Variants in ZNF185 observed in about 807,000 individuals in gnomAD.
ZNF185 encodes zinc finger protein 185 with LIM domain, also known as zinc finger protein 185.
ZNF185 carries 56 observed loss-of-function variants against 58.6 expected under a neutral mutation model. The ratio of observed to expected loss-of-function variants is 0.95; its 90% confidence interval spans 0.77 to 1.19. The LOEUF (loss-of-function observed/expected upper bound fraction) is 1.19. ZNF185 is among the 50% of genes most tolerant of loss of function. ZNF185 has a pLI of 0.00. For missense variants in ZNF185, 627 were observed against 573.5 expected (o/e 1.09, Z -0.95); for synonymous variants, 230 against 215.9 (o/e 1.07, Z -0.57).
the ZNF185 span, among the ~76,000 whole-genome samples, chrX:152,900,365 C>A: frequency 8.8e-6 from 1 of 113,102 alleles, no homozygotes; most frequent in South Asian, 3.6e-4. Flanking sequence ...CAGGTGACTG[C>A]CCCCTTTGGT....
chrX:152,972,179 T>G (rs1481074022), exon 23 of ZNF185: 1 of 112,242 alleles, frequency 8.9e-6, no homozygotes. Flanking sequence ...GAAGGTGATA[T>G]TCTCATCCCA....
chrX:152,898,138 C>G, the ZNF185 span, among the ~76,000 whole-genome samples: 1 of 109,289 alleles, frequency 9.2e-6, no homozygotes, highest in East Asian at 2.9e-4. Context: ...CCTGCCTCCC[C>G]GGCCCGGCCC....
chrX:152,920,104 C>T (rs144752565), intron 7 of ZNF185, among the ~76,000 whole-genome samples: 2,390 of 113,308 alleles, frequency 0.021, 67 homozygotes, highest in African/African-American at 0.072. Context: ...TGGCATCTGG[C>T]GCAGAGCCGG....
intron 15 of ZNF185, among the ~76,000 whole-genome samples, chrX:152,940,042 C>G (rs1416229935): frequency 9.0e-6 from 1 of 111,358 alleles, no homozygotes; most frequent in Non-Finnish European, 1.9e-5. Context: ...CTTGGCCTCC[C>G]AAATTGCTGG....
At chrX:152,950,777 C>T (rs1009247961) in intron 16 of ZNF185, among the ~76,000 whole-genome samples, 20 of 111,802 alleles carry the variant, frequency 1.8e-4, no homozygotes, top group Admixed American at 1.7e-3. Context: ...TAAGAGTTGT[C>T]AGGAGTTCTC....
chrX:152,921,412 G>A (rs1476400213), intron 9 of ZNF185, among the ~76,000 whole-genome samples: 1 of 110,277 alleles, frequency 9.1e-6, no homozygotes, highest in African/African-American at 3.3e-5. Flanking sequence ...CCCAGGCAGA[G>A]GGCCCCAGTG....
chrX:152,902,987 G>A, the ZNF185 span, among the ~76,000 whole-genome samples: 1 of 111,652 alleles, frequency 9.0e-6, no homozygotes, highest in East Asian at 2.8e-4. Flanking sequence ...TTAGTCAAGG[G>A]CAAGAAGGAG....
the ZNF185 span, among the ~76,000 whole-genome samples, chrX:152,898,548 A>G: frequency 8.9e-6 from 1 of 112,480 alleles, no homozygotes; most frequent in Admixed American, 9.3e-5. Context: ...GCGAGGGGCC[A>G]GGATGCTCTG....
intron 16 of ZNF185, among the ~76,000 whole-genome samples, chrX:152,948,615 C>T (rs2048007514): frequency 9.0e-6 from 1 of 111,460 alleles, no homozygotes; most frequent in Admixed American, 9.5e-5. Flanking sequence ...CAGAAATTTG[C>T]CTTGTGTGCT....
chrX:152,924,584 A>G (rs1307821395), intron 11 of ZNF185, among the ~76,000 whole-genome samples: 1 of 112,381 alleles, frequency 8.9e-6, no homozygotes, highest in African/African-American at 3.2e-5. Context: ...GGGTGGCACA[A>G]GTCAGCCCAT....
chrX:152,964,407 C>T (rs1230422414), intron 18 of ZNF185, among the ~76,000 whole-genome samples: 3 of 112,565 alleles, frequency 2.7e-5, no homozygotes, highest in African/African-American at 9.7e-5. Context: ...TGGCAAAGGC[C>T]TCGGGAAGCT....
intron 16 of ZNF185, among the ~76,000 whole-genome samples, chrX:152,951,579 T>TAC (rs782561830): frequency 5.5e-4 from 61 of 111,663 alleles, no homozygotes; most frequent in African/African-American, 1.9e-3. Flanking sequence ...TATATATATA[T>TAC]ACACACACAC....
chrX:152,943,508 A>G lies in ZNF185; in HGVS notation c.1212-1759A>G, dbSNP rs185156119. 3.4e-4 allele frequency among the ~76,000 whole-genome samples: 38 copies of G among 112,402 alleles called. No homozygotes were observed. In the East Asian group the frequency reaches 7.0e-3, roughly 21 times the overall value. The stretch of plus-strand genomic sequence containing the variant: ...CCACTTGACTTCCAGGAAGTTCATG[A>G]GGAGCTCGGACAGGATAGCTGGGAA... On this transcript the variant is annotated intron_variant, in intron 15 of 22. Coordinates refer to ENST00000449285, the Ensembl canonical transcript of ZNF185.
the ZNF185 span, among the ~76,000 whole-genome samples, chrX:152,898,800 A>G: frequency 8.9e-6 from 1 of 112,552 alleles, no homozygotes; most frequent in African/African-American, 3.2e-5. Flanking sequence ...GGTGTTATCG[A>G]CAGGATCGGC....
chrX:152,903,388 C>CG, the ZNF185 span, among the ~76,000 whole-genome samples: 1 of 35,857 alleles, frequency 2.8e-5, no homozygotes, highest in East Asian at 1.1e-3. Context: ...AGACTCGTCT[C>CG]AAAAAAAAAA....
intron 20 of ZNF185, 101 bp from the exon 23 acceptor site, chrX:152,969,281 C>G: frequency 1.5e-6 from 1 of 670,131 alleles, no homozygotes; most frequent in Non-Finnish European, 2.3e-6. Context: ...ATCCTGACAG[C>G]AAACCTGGGC....
intron 12 of ZNF185, among the ~76,000 whole-genome samples, chrX:152,930,597 A>G (rs743637): frequency 0.063 from 6,950 of 110,953 alleles, 485 homozygotes; most frequent in African/African-American, 0.2. Context: ...GGCCAGTATA[A>G]AGGAGAGGCA....
intron 16 of ZNF185, among the ~76,000 whole-genome samples, chrX:152,948,674 A>T (rs1556897396): frequency 2.7e-5 from 3 of 111,776 alleles, no homozygotes; most frequent in Non-Finnish European, 3.8e-5. Context: ...AATAAACCAT[A>T]GCCTTGAGTG....
At chrX:152,952,909 GGGA>G (rs1159326015) in intron 16 of ZNF185, among the ~76,000 whole-genome samples, 3 of 107,959 alleles carry the variant, frequency 2.8e-5, no homozygotes, top group Non-Finnish European at 3.8e-5. Context: ...TAGTCAGCAA[GGGA>G]GGAGGAGGAG....
Sources: gnomAD v4.1 joint callset for allele counts (sites outside exome capture counted in the v4.1 genomes callset) on GRCh38, gnomAD v4.1.1 for gene constraint, MANE v1.5 for transcripts, NCBI Gene and HGNC (gene_info 2026-07-23, HGNC 2026-07-21) for gene names.